SOBP: variants seen among roughly 807,000 people sequenced by gnomAD.
The protein encoded by SOBP is sine oculis binding protein homolog, also known as sine oculis-binding protein homolog.
In SOBP, 4 loss-of-function variants were observed where a neutral mutation model predicts 53.6. The ratio of observed to expected loss-of-function variants is 0.07; its 90% confidence interval spans 0.04 to 0.17. The LOEUF (loss-of-function observed/expected upper bound fraction) is 0.17, where lower values mean the gene tolerates loss of function less well. Among genes scored for constraint, SOBP ranks in the 10% least tolerant of loss-of-function variants. The pLI, the probability that SOBP is intolerant of heterozygous loss-of-function variation, is 1.00. For synonymous variants in SOBP, 584 were observed against 522.6 expected (o/e 1.12, Z -1.60); for missense variants, 1,088 against 1,204.7 (o/e 0.90, Z 1.43).
At chr6:107,640,017 A>G (rs760690394) in intron 6 of SOBP, among the ~76,000 whole-genome samples, 3 of 152,164 alleles carry the variant, frequency 2.0e-5, no homozygotes, top group African/African-American at 4.8e-5. Context: ...TTATTTTCTC[A>G]GGGAAAGCTG....
intron 4 of SOBP, among the ~76,000 whole-genome samples, chr6:107,570,704 CA>C (rs1206593910): frequency 2.6e-5 from 4 of 152,224 alleles, no homozygotes; most frequent in Non-Finnish European, 4.4e-5. Context: ...AGGGCTTTTC[CA>C]CCCACGGGCC....
At chr6:107,526,326 T>A (rs977920140) in intron 3 of SOBP, among the ~76,000 whole-genome samples, 16 of 152,150 alleles carry the variant, frequency 1.1e-4, no homozygotes, top group African/African-American at 3.6e-4. Context: ...TCCCTCCCCC[T>A]ATGCCAAAAT....
At chr6:107,545,976 GA>G (rs1198495371) in intron 4 of SOBP, among the ~76,000 whole-genome samples, 2 of 152,068 alleles carry the variant, frequency 1.3e-5, no homozygotes, top group African/African-American at 4.8e-5. Context: ...AAACAAAAAG[GA>G]AAAAGGGGAC....
intron 6 of SOBP, among the ~76,000 whole-genome samples, chr6:107,637,013 A>G (rs1247642896): frequency 6.6e-6 from 1 of 152,160 alleles, no homozygotes; most frequent in East Asian, 1.9e-4. Flanking sequence ...AGAATAGGCT[A>G]ATTAGTTTCT....
At chr6:107,507,452 C>T (rs1172108917) in intron 3 of SOBP, among the ~76,000 whole-genome samples, 1 of 152,018 alleles carries the variant, frequency 6.6e-6, no homozygotes, top group African/African-American at 2.4e-5. Flanking sequence ...ATTACAGCTG[C>T]TCACCACCAC....
At position 107,549,616 on chromosome 6, in the gene SOBP, A is replaced by AT. The variant is rs151047714; in HGVS notation, c.573+16016dup. Among the ~76,000 whole-genome samples, 400 of 148,676 alleles carry AT rather than the reference A, an allele frequency of 2.7e-3. 2 individuals carry two copies. Among genetic ancestry groups the AT allele is most frequent in the Non-Finnish European group, 3.8e-3 (253 of 66,908 alleles). On this transcript the variant is annotated intron_variant, in intron 4 of 6. Coordinates refer to ENST00000317357, the MANE Select transcript of SOBP (RefSeq NM_018013.4). ...CCTCCTCATTCAAGCCCTTTTGCTC[A>AT]TTTTTTTTTTACATTTCTAATGTAG... is the stretch of plus-strand genomic sequence containing the variant.
At position 107,660,335 on chromosome 6, in the gene SOBP, T is replaced by C. The variant is rs180765997; in HGVS notation, c.*2132T>C. 1.2e-3 allele frequency among the ~76,000 whole-genome samples: 178 copies of C among 152,342 alleles called. No homozygotes were observed. Among genetic ancestry groups the C allele is most frequent in the Non-Finnish European group, 2.4e-3 (161 of 68,028 alleles). ...TTCCTGACCTGCTAGACCACGCTTG[T>C]CTGCAGACAAGAGCCCACTCCGTCC... On this transcript the variant is annotated 3_prime_UTR_variant, in exon 7 of 7. Transcript: ENST00000317357.
At chr6:107,518,586 G>T (rs563214345) in intron 3 of SOBP, among the ~76,000 whole-genome samples, 1 of 152,246 alleles carries the variant, frequency 6.6e-6, no homozygotes, top group Admixed American at 6.5e-5. Context: ...CTTCATAGCA[G>T]CATTTATTCA....
intron 1 of SOBP, among the ~76,000 whole-genome samples, chr6:107,496,216 T>G (rs1235585296): frequency 2.0e-5 from 3 of 152,168 alleles, no homozygotes; most frequent in Non-Finnish European, 4.4e-5. Flanking sequence ...TCTTGGTGAT[T>G]TTTTAAGGCA....
chr6:107,644,839 CA>C (rs1258032723), intron 6 of SOBP, among the ~76,000 whole-genome samples: 1 of 152,160 alleles, frequency 6.6e-6, no homozygotes, highest in Non-Finnish European at 1.5e-5. Flanking sequence ...TGGTTTTATC[CA>C]AACCCAAATG....
At chr6:107,514,007 C>G (rs1783245882) in intron 3 of SOBP, 1 of 152,622 alleles carries the variant, frequency 6.6e-6, no homozygotes, top group African/African-American at 2.4e-5. Context: ...TGAGGTTACA[C>G]AGATACTGAG....
intron 5 of SOBP, among the ~76,000 whole-genome samples, chr6:107,594,641 A>G (rs771790666): frequency 9.9e-5 from 15 of 152,228 alleles, no homozygotes; most frequent in Non-Finnish European, 1.9e-4. Context: ...CATATCTGCC[A>G]TAGCAAATGG....
chr6:107,650,915 C>T (rs1395290026), intron 6 of SOBP, among the ~76,000 whole-genome samples: 2 of 152,174 alleles, frequency 1.3e-5, no homozygotes, highest in East Asian at 3.9e-4. Context: ...AGCAAGGCTA[C>T]TTGTGCCAAT....
At chr6:107,537,819 CAAAAA>C (rs527261424) in intron 4 of SOBP, among the ~76,000 whole-genome samples, 2 of 94,670 alleles carry the variant, frequency 2.1e-5, no homozygotes, top group African/African-American at 3.8e-5. Flanking sequence ...GACCCTATCT[CAAAAA>C]AAAAAAAAAA....
At chr6:107,564,292 C>T (rs1472744216) in intron 4 of SOBP, among the ~76,000 whole-genome samples, 2 of 152,134 alleles carry the variant, frequency 1.3e-5, no homozygotes, top group East Asian at 3.9e-4. Context: ...AAGTATAAAA[C>T]ACTCTCCTGT....
At chr6:107,578,386 T>C (rs1785302535) in intron 4 of SOBP, among the ~76,000 whole-genome samples, 2 of 152,210 alleles carry the variant, frequency 1.3e-5, no homozygotes, top group Admixed American at 1.3e-4. Flanking sequence ...ATGACACCAG[T>C]ATTTTCAAGT....
intron 3 of SOBP, among the ~76,000 whole-genome samples, chr6:107,521,909 A>AACACACACACACACACACAC (rs34004579): frequency 1.4e-5 from 2 of 139,368 alleles, no homozygotes; most frequent in African/African-American, 5.5e-5. Flanking sequence ...CAGACATTAA[A>AACACACACACACACACACAC]ACACACACAC....
chr6:107,599,115 A>G (rs1786056884), intron 5 of SOBP, among the ~76,000 whole-genome samples: 1 of 152,182 alleles, frequency 6.6e-6, no homozygotes. Context: ...GAGACCATCT[A>G]GTGTGTATAC....
At chr6:107,615,181 G>C (rs1481883373) in intron 5 of SOBP, among the ~76,000 whole-genome samples, 2 of 152,208 alleles carry the variant, frequency 1.3e-5, no homozygotes, top group African/African-American at 4.8e-5. Flanking sequence ...GAGGTTTGAG[G>C]ATTTGGGTGG....
Sources: allele counts gnomAD v4.1 joint callset (sites outside exome capture counted in the v4.1 genomes callset), GRCh38; gene constraint gnomAD v4.1.1; transcripts MANE v1.5; gene names NCBI Gene and HGNC (gene_info 2026-07-23, HGNC 2026-07-21).